The following MAF variants were observed in gnomAD, a reference collection of about 807,000 sequenced individuals.
The protein encoded by MAF is transcription factor Maf.
A neutral mutation model predicts 22.0 loss-of-function variants in MAF; 10 were observed. The observed-to-expected ratio is 0.45, with a 90% CI of 0.28 to 0.77. MAF has a LOEUF of 0.77. Ranked by LOEUF, MAF falls within the 30% of genes least tolerant of loss-of-function variation. The probability of loss-of-function intolerance (pLI) is 0.12; values close to 1 mark genes in which losing one functional copy is unlikely to be tolerated. For synonymous variants in MAF, 337 were observed against 255.8 expected (o/e 1.32, Z -3.03); for missense variants, 544 against 548.4 (o/e 0.99, Z 0.08).
the MAF span, among the ~76,000 whole-genome samples, chr16:79,323,186 A>AAAAAAAAAG: frequency 7.4e-6 from 1 of 135,732 alleles, no homozygotes; most frequent in Non-Finnish European, 1.6e-5. Flanking sequence ...AAAAAAAAAA[A>AAAAAAAAAG]GGCAAATGGG....
chr16:79,540,747 C>G, the MAF span, among the ~76,000 whole-genome samples: 1 of 152,154 alleles, frequency 6.6e-6, no homozygotes, highest in African/African-American at 2.4e-5. Flanking sequence ...AATTCAGTAT[C>G]CAAATATGAG....
At chr16:79,597,201 A>T in intron 1 of MAF, 1 of 1,053,632 alleles carries the variant, frequency 9.5e-7, no homozygotes, top group South Asian at 4.6e-5. Flanking sequence ...CGTTTAAAAA[A>T]TCTACAGCTA....
chr16:79,355,968 G>C, the MAF span, among the ~76,000 whole-genome samples: 1 of 152,078 alleles, frequency 6.6e-6, no homozygotes, highest in African/African-American at 2.4e-5. Context: ...AATGTCTCTA[G>C]GGAATTCTCC....
At chr16:79,407,801 C>T in the MAF span, among the ~76,000 whole-genome samples, 36 of 152,238 alleles carry the variant, frequency 2.4e-4, no homozygotes, top group Non-Finnish European at 4.3e-4. Context: ...AGCCGCCCCA[C>T]GAAGCCAGGT....
At chr16:79,508,130 G>A in the MAF span, among the ~76,000 whole-genome samples, 9 of 152,280 alleles carry the variant, frequency 5.9e-5, no homozygotes, top group African/African-American at 2.2e-4. Context: ...ACCCTTGGAA[G>A]GAGCGGGGAG....
chr16:79,336,000 G>C, the MAF span, among the ~76,000 whole-genome samples: 35,007 of 152,048 alleles, frequency 0.23, 4,475 homozygotes, highest in East Asian at 0.37. Context: ...GTGGGACGGA[G>C]TGATCCTAGC....
chr16:79,517,443 T>C, the MAF span, among the ~76,000 whole-genome samples: 22 of 152,338 alleles, frequency 1.4e-4, no homozygotes, highest in Non-Finnish European at 2.4e-4. Context: ...GCAGCAAACA[T>C]ATTCTCAATA....
chr16:79,253,402 A>C, the MAF span, among the ~76,000 whole-genome samples: 1 of 152,186 alleles, frequency 6.6e-6, no homozygotes, highest in Admixed American at 6.5e-5. Flanking sequence ...GGTTCACTTA[A>C]ATAACCTTAT....
intron 1 of MAF, among the ~76,000 whole-genome samples, chr16:79,588,598 A>G (rs1459856487): frequency 6.6e-6 from 1 of 151,864 alleles, no homozygotes; most frequent in Non-Finnish European, 1.5e-5. Context: ...AGTAGCTGGG[A>G]TTACAGGCAC....
chr16:79,338,198 C>T, the MAF span, among the ~76,000 whole-genome samples: 3 of 152,120 alleles, frequency 2.0e-5, no homozygotes, highest in Non-Finnish European at 4.4e-5. Context: ...AGGGCCAGGC[C>T]GACAGGGGAA....
At chr16:79,228,041 C>T in the MAF span, among the ~76,000 whole-genome samples, 1 of 152,064 alleles carries the variant, frequency 6.6e-6, no homozygotes, top group African/African-American at 2.4e-5. Flanking sequence ...GTAGCTAGGA[C>T]TATAGGCACG....
At chr16:79,420,301 T>C in the MAF span, among the ~76,000 whole-genome samples, 54 of 152,264 alleles carry the variant, frequency 3.5e-4, no homozygotes, top group African/African-American at 1.2e-3. Context: ...GAGGCCAACG[T>C]GGGACAGGGC....
At chr16:79,399,640 G>C in the MAF span, among the ~76,000 whole-genome samples, 1 of 152,120 alleles carries the variant, frequency 6.6e-6, no homozygotes, top group Non-Finnish European at 1.5e-5. Flanking sequence ...GGATAGAAGA[G>C]GGTAGAAAGA....
the MAF span, among the ~76,000 whole-genome samples, chr16:79,272,269 G>A: frequency 6.6e-6 from 1 of 152,210 alleles, no homozygotes; most frequent in Non-Finnish European, 1.5e-5. Flanking sequence ...AACACCAGGC[G>A]GAGAAGAGAA....
At chr16:79,323,215 G>T in the MAF span, among the ~76,000 whole-genome samples, 6,659 of 118,344 alleles carry the variant, frequency 0.056, 311 homozygotes, top group African/African-American at 0.13. Context: ...GATGATAAGA[G>T]TTCAACAGAA....
At chr16:79,268,694 C>T in the MAF span, among the ~76,000 whole-genome samples, 2 of 152,150 alleles carry the variant, frequency 1.3e-5, no homozygotes, top group Admixed American at 1.3e-4. Flanking sequence ...AATCAAACTA[C>T]CCAAGAAACA....
chr16:79,375,565 T>C, the MAF span, among the ~76,000 whole-genome samples: 1 of 152,188 alleles, frequency 6.6e-6, no homozygotes, highest in East Asian at 1.9e-4. Context: ...GTGACAATGA[T>C]GATGAAGATG....
At chr16:79,575,120 C>T in the MAF span, among the ~76,000 whole-genome samples, 1 of 151,644 alleles carries the variant, frequency 6.6e-6, no homozygotes, top group South Asian at 2.1e-4. Flanking sequence ...TTTTTAAAGT[C>T]CCACAAACCA....
the MAF span, among the ~76,000 whole-genome samples, chr16:79,324,826 T>C: frequency 1.2e-4 from 18 of 152,284 alleles, no homozygotes; most frequent in African/African-American, 3.8e-4. Flanking sequence ...CACAAATCTA[T>C]TCTCTTACAG....
Sources: allele counts gnomAD v4.1 joint callset (sites outside exome capture counted in the v4.1 genomes callset), GRCh38; gene constraint gnomAD v4.1.1; transcripts MANE v1.5; gene names NCBI Gene and HGNC (gene_info 2026-07-23, HGNC 2026-07-21).